Variants in PGS1 observed in about 807,000 individuals in gnomAD.
PGS1 encodes CDP-diacylglycerol--glycerol-3-phosphate 3-phosphatidyltransferase, mitochondrial.
In PGS1, 44 loss-of-function variants were observed where a neutral mutation model predicts 58.3. That is an observed-to-expected ratio of 0.75 (90% CI 0.59 to 0.97). The LOEUF (loss-of-function observed/expected upper bound fraction) is 0.97. Ranked by LOEUF, PGS1 falls within the 50% of genes least tolerant of loss-of-function variation. The pLI is 0.00. For missense variants in PGS1, 684 were observed against 731.1 expected (o/e 0.94, Z 0.74); for synonymous variants, 330 against 311.0 (o/e 1.06, Z -0.64).
rs374456542 is a variant in PGS1, at chr17:78,396,299, C to T, written c.334-9C>T. On this transcript the variant is annotated splice_polypyrimidine_tract_variant and intron_variant, in intron 2 of 9. Coordinates refer to ENST00000262764, the MANE Select transcript of PGS1 (RefSeq NM_024419.5). ...TGAATTTGAATTTTGAATTTTTCTCCTCTCTCAGGGGCAGATAAGAGTAGC... is the reference window on the plus strand; with the variant it reads ...TGAATTTGAATTTTGAATTTTTCTCTTCTCTCAGGGGCAGATAAGAGTAGC... The T allele has an allele frequency of 3.7e-4, 601 of 1,608,188 alleles. No homozygotes were observed. Among genetic ancestry groups the T allele is most frequent in the Non-Finnish European group, 4.8e-4 (558 of 1,174,694 alleles).
At chr17:78,422,992 A>AG (rs2086028964) in intron 9 of PGS1, among the ~76,000 whole-genome samples, 1 of 151,192 alleles carries the variant, frequency 6.6e-6, no homozygotes, top group Non-Finnish European at 1.5e-5. Context: ...GCTACTTGGG[A>AG]GGTTGAGGCA....
Position 78,424,167 on chromosome 17 carries a change from A to T in PGS1, c.*117A>T. ...CCCAGCGAGCCCCTGCAGGGACAGT[A>T]TGGCTGAGGGTCAGGTGTGCTGCCA... On this transcript the variant is annotated 3_prime_UTR_variant, in exon 10 of 10. Coordinates refer to ENST00000262764, the MANE Select transcript of PGS1 (RefSeq NM_024419.5). 6.2e-7 allele frequency: 1 copy of T among 1,601,908 alleles called. No individual in the cohort carries two copies. Among genetic ancestry groups the T allele is most frequent in the Non-Finnish European group, 8.5e-7 (1 of 1,174,296 alleles).
Position 78,378,907 on chromosome 17 carries a change from G to C in PGS1, c.143+99G>C, listed in dbSNP as rs956664345. ...CCCCAGCGTCCTGGGCATCCGCAGC[G>C]AGTCCCTCCCCGGTTTCCGGGCCCA... On this transcript the variant is annotated intron_variant, in intron 1 of 9. Transcript: ENST00000262764. 2.4e-6 allele frequency: 3 copies of C among 1,248,054 alleles called. No individual in the cohort carries two copies. The African/African-American group carries it at 4.8e-5, about 20-fold the overall frequency. 77.3% of individuals were successfully genotyped at this position (1,248,054 alleles called of 1,614,324 possible).
intron 2 of PGS1, 50 bp downstream of exon 2, chr17:78,392,715 C>A: frequency 6.7e-7 from 1 of 1,483,374 alleles, no homozygotes; most frequent in Non-Finnish European, 9.3e-7. Flanking sequence ...TTTGGGGGAT[C>A]AGGTTGGTGA....
rs2083881708 is a variant in PGS1, at chr17:78,403,723, G to A, written c.1036G>A (p.Ala346Thr). The A allele has an allele frequency of 6.2e-7, 1 of 1,614,244 alleles. No individual in the cohort carries two copies. ...DAAAAGDRRP[A>T]PDTWIYPLIQ... ...AGCAGCTGCTGGGGATCGCAGACCA[G>A]CCCCTGACACCTGGATTTATCCGCT... The change falls in exon 7 of 10, where the codon GCC becomes ACC. Residue 346 changes from alanine (A) to threonine (T), a missense_variant. Ala to Thr is a moderately conservative substitution (Grantham distance 58). Transcript: ENST00000262764.
At chr17:78,399,648 TAGG>T in intron 5 of PGS1, 111 bp downstream of exon 5, 1 of 1,062,238 alleles carries the variant, frequency 9.4e-7, no homozygotes. Context: ...AACCTGCTTG[TAGG>T]TCTGGCTGCT....
At chr17:78,406,599 T>C (rs1203905603) in intron 7 of PGS1, among the ~76,000 whole-genome samples, 1 of 152,232 alleles carries the variant, frequency 6.6e-6, no homozygotes, top group Non-Finnish European at 1.5e-5. Flanking sequence ...GCATGTGTTG[T>C]GGCTGAACCA....
intron 9 of PGS1, chr17:78,421,168 G>A (rs2085698878): frequency 6.6e-6 from 1 of 152,170 alleles, no homozygotes; most frequent in Non-Finnish European, 1.5e-5. Flanking sequence ...TGTCATGTGT[G>A]TTTATAAAGC....
At chr17:78,420,561 CAA>C (rs1324796012) in intron 9 of PGS1, 1 of 152,104 alleles carries the variant, frequency 6.6e-6, no homozygotes, top group Non-Finnish European at 1.5e-5. Context: ...GGTGAGGAGT[CAA>C]AGATGAGCCA....
intron 8 of PGS1, among the ~76,000 whole-genome samples, chr17:78,415,847 C>A (rs752839877): frequency 6.6e-6 from 1 of 152,206 alleles, no homozygotes; most frequent in Non-Finnish European, 1.5e-5. Context: ...CTCATGAATT[C>A]GTGACCTTTG....
At chr17:78,401,063 A>C (rs1395200358) in intron 6 of PGS1, among the ~76,000 whole-genome samples, 1 of 151,900 alleles carries the variant, frequency 6.6e-6, no homozygotes, top group Non-Finnish European at 1.5e-5. Flanking sequence ...GAAAGGTGGG[A>C]GCTTGGGCTT....
At chr17:78,403,291 T>A (rs2083841795) in intron 6 of PGS1, among the ~76,000 whole-genome samples, 1 of 151,598 alleles carries the variant, frequency 6.6e-6, no homozygotes, top group South Asian at 2.1e-4. Context: ...TTGTCTTGCC[T>A]GGTTTTGAGC....
chr17:78,415,115 C>G, intron 8 of PGS1, 88 bp downstream of exon 8: 3 of 1,487,376 alleles, frequency 2.0e-6, no homozygotes, highest in South Asian at 1.2e-5. Flanking sequence ...GCCCTGAGAG[C>G]TGTTTCCTGA....
intron 1 of PGS1, among the ~76,000 whole-genome samples, chr17:78,383,578 T>C (rs1340569157): frequency 1.3e-5 from 2 of 152,200 alleles, no homozygotes; most frequent in Non-Finnish European, 2.9e-5. Flanking sequence ...GTAAGTAGTT[T>C]TTACTCTGAG....
chr17:78,408,847 C>T (rs950556769), intron 7 of PGS1, among the ~76,000 whole-genome samples: 1 of 152,172 alleles, frequency 6.6e-6, no homozygotes, highest in African/African-American at 2.4e-5. Flanking sequence ...GGACAAGGTT[C>T]TGGGAGCTGG....
rs781747756 is a variant in PGS1, at chr17:78,424,028, CAT to C, written c.*11-31_*11-30del. On this transcript the variant is annotated intron_variant, in intron 9 of 9. Transcript: ENST00000262764. Reference sequence around the variant, plus strand: ...ATGCGTGTTTTGTACACGGGACACTCATAGATGTTCTTGGTCTCCATGCGGTC... The same window carrying C: ...ATGCGTGTTTTGTACACGGGACACTCAGATGTTCTTGGTCTCCATGCGGTC... The C allele has an allele frequency of 3.7e-6, 6 of 1,613,932 alleles. No individual in the cohort carries two copies. In the Admixed American group the frequency reaches 1.0e-4, roughly 27 times the overall value.
chr17:78,422,389 T>C (rs1047054582), intron 9 of PGS1, among the ~76,000 whole-genome samples: 4 of 143,682 alleles, frequency 2.8e-5, no homozygotes, highest in African/African-American at 1.0e-4. Flanking sequence ...GAATTTGGAC[T>C]TTCTAGATGC....
At position 78,378,943 on chromosome 17, in the gene PGS1, C is replaced by A. The variant is rs570501515; in HGVS notation, c.143+135C>A. On this transcript the variant is annotated intron_variant, in intron 1 of 9. Coordinates refer to ENST00000262764, the MANE Select transcript of PGS1 (RefSeq NM_024419.5). ...CGGTTTCCGGGCCCATTTCTGCCTC[C>A]CGGGGCTCGGCGCCTGACCTATGTG... 78 of 1,006,596 alleles carry A rather than the reference C, an allele frequency of 7.7e-5. 1 individual carries two copies. In the South Asian group the frequency reaches 1.4e-3, roughly 19 times the overall value. The allele number at this position is 1,006,596 out of a possible 1,614,324, so 62.4% of individuals were successfully genotyped here. A position where few individuals can be genotyped will look rare whatever the true frequency, so the allele number is the denominator to read the frequency against.
At position 78,424,343 on chromosome 17, in the gene PGS1, C is replaced by T. The variant is rs534103651; in HGVS notation, c.*293C>T. The T allele has an allele frequency of 1.2e-4, 80 of 642,882 alleles. No homozygotes were observed. Among genetic ancestry groups the T allele is most frequent in the South Asian group, 3.8e-4 (16 of 42,390 alleles). 39.8% of individuals were successfully genotyped at this position (642,882 alleles called of 1,614,324 possible). The stretch of plus-strand genomic sequence containing the variant: ...GATGGCCTGCATGTTGTAACTACCC[C>T]GTCCCGCTGGGCTCAAGGAACAGCT... On this transcript the variant is annotated 3_prime_UTR_variant, in exon 10 of 10. Coordinates refer to ENST00000262764, the MANE Select transcript of PGS1 (RefSeq NM_024419.5).
Sources: allele counts gnomAD v4.1 joint callset (sites outside exome capture counted in the v4.1 genomes callset), GRCh38; gene constraint gnomAD v4.1.1; transcripts MANE v1.5; gene names NCBI Gene and HGNC (gene_info 2026-07-23, HGNC 2026-07-21).